GRM7: variants seen among roughly 807,000 people sequenced by gnomAD.
GRM7 encodes the protein glutamate metabotropic receptor 7.
A neutral mutation model predicts 84.5 loss-of-function variants in GRM7; 35 were observed. The ratio of observed to expected loss-of-function variants is 0.41; its 90% CI spans 0.32 to 0.55. The LOEUF is 0.55. Among genes scored for constraint, GRM7 ranks in the 20% least tolerant of loss-of-function variants. The probability of loss-of-function intolerance (pLI) is 0.19; values close to 1 mark genes in which losing one functional copy is unlikely to be tolerated. For synonymous variants in GRM7, 487 were observed against 455.1 expected, an observed-to-expected ratio of 1.07 and a Z score of -0.89; for missense variants, 1,003 against 1,194.6, an observed-to-expected ratio of 0.84 and a Z score of 2.36.
chr3:6,958,683 A>G (rs1172826153), intron 1 of GRM7, among the ~76,000 whole-genome samples: 8 of 152,284 alleles, frequency 5.3e-5, no homozygotes, highest in East Asian at 3.9e-4. Flanking sequence ...ACTAAATACA[A>G]AAAAACTTTC....
At chr3:6,974,550 G>C (rs947790543) in intron 1 of GRM7, among the ~76,000 whole-genome samples, 1 of 152,168 alleles carries the variant, frequency 6.6e-6, no homozygotes, top group African/African-American at 2.4e-5. Context: ...ATCAGGGAAG[G>C]CTGCTGAAGA....
chr3:7,072,717 G>A (rs922618773), intron 1 of GRM7, among the ~76,000 whole-genome samples: 7 of 152,090 alleles, frequency 4.6e-5, no homozygotes, highest in African/African-American at 1.4e-4. Flanking sequence ...TAAGATAAAG[G>A]TCTCACTTCA....
intron 3 of GRM7, 106 bp from the exon 4 acceptor site, chr3:7,306,392 A>G: frequency 1.1e-6 from 1 of 894,190 alleles, no homozygotes. Context: ...GCAATTATTT[A>G]CTTTTTGAGG....
At chr3:7,609,786 G>A (rs1304282555) in intron 8 of GRM7, among the ~76,000 whole-genome samples, 1 of 152,154 alleles carries the variant, frequency 6.6e-6, no homozygotes, top group South Asian at 2.1e-4. Context: ...CTTGGAGTGA[G>A]TGGTAAATTT....
Position 7,359,220 on chromosome 3 carries a change from TTGTGTGTGTGTG to T in GRM7, c.1033+52592_1033+52603del, listed in dbSNP as rs34535570. On this transcript the variant is annotated intron_variant, in intron 4 of 9. Coordinates refer to ENST00000357716, the MANE Select transcript of GRM7 (RefSeq NM_000844.4). The stretch of plus-strand genomic sequence containing the variant: ...TTACCATTTGGTAGGGTGTTTGTGT[TTGTGTGTGTGTG>T]TGTGTGTGTGTGTGTGTGTGTGTTG... Among the ~76,000 whole-genome samples the T allele has an allele frequency of 1.5e-4, 20 of 133,240 alleles. 1 individual carries two copies. Among genetic ancestry groups the T allele is most frequent in the African/African-American group, 3.9e-4 (13 of 33,572 alleles). 87.4% of individuals were successfully genotyped at this position (133,240 alleles called of 152,430 possible). A position where few individuals can be genotyped will look rare whatever the true frequency, so the allele number is the denominator to read the frequency against.
At chr3:7,163,120 CTTCTG>C (rs1307914395) in intron 2 of GRM7, among the ~76,000 whole-genome samples, 3 of 152,082 alleles carry the variant, frequency 2.0e-5, no homozygotes, top group Admixed American at 2.0e-4. Context: ...CTCCTCCAGT[CTTCTG>C]TTGCTCTGGA....
At chr3:7,452,950 A>T in intron 6 of GRM7, 143 bp downstream of exon 6, 2 of 609,326 alleles carry the variant, frequency 3.3e-6, no homozygotes, top group South Asian at 4.1e-5. Context: ...GAATCAATGC[A>T]TGAATGAGCA....
intron 7 of GRM7, among the ~76,000 whole-genome samples, chr3:7,523,116 T>G (rs746178735): frequency 1.3e-5 from 2 of 152,170 alleles, no homozygotes; most frequent in Non-Finnish European, 1.5e-5. Context: ...TCTATGGTAT[T>G]TTATTACAGC....
At chr3:7,094,899 A>G (rs1698799934) in intron 1 of GRM7, among the ~76,000 whole-genome samples, 1 of 152,184 alleles carries the variant, frequency 6.6e-6, no homozygotes, top group African/African-American at 2.4e-5. Flanking sequence ...CTAATACATT[A>G]CAGTATTTAG....
chr3:6,951,475 G>T (rs78269105), intron 1 of GRM7, among the ~76,000 whole-genome samples: 2 of 151,924 alleles, frequency 1.3e-5, no homozygotes, highest in African/African-American at 4.8e-5. Context: ...AAATACTGAC[G>T]TGTTGTGTTT....
intron 2 of GRM7, among the ~76,000 whole-genome samples, chr3:7,192,084 A>G (rs898229330): frequency 1.1e-4 from 17 of 152,054 alleles, no homozygotes; most frequent in African/African-American, 3.6e-4. Flanking sequence ...AAGAATGTAA[A>G]TTGTAATGCG....
intron 2 of GRM7, among the ~76,000 whole-genome samples, chr3:7,244,418 T>G (rs1170111830): frequency 6.6e-6 from 1 of 152,070 alleles, no homozygotes; most frequent in Non-Finnish European, 1.5e-5. Context: ...AAATGTAATG[T>G]GTGAGACAAG....
chr3:7,365,675 A>G (rs1044377828), intron 4 of GRM7, among the ~76,000 whole-genome samples: 5 of 143,614 alleles, frequency 3.5e-5, no homozygotes, highest in Non-Finnish European at 6.1e-5. Flanking sequence ...ACACACACGC[A>G]CACACACACA....
intron 2 of GRM7, among the ~76,000 whole-genome samples, chr3:7,224,338 T>C (rs558565034): frequency 6.6e-6 from 1 of 152,154 alleles, no homozygotes; most frequent in Admixed American, 6.5e-5. Flanking sequence ...TTGCTCATTA[T>C]CAAAAGGATA....
chr3:7,130,846 A>G (rs1219742287), intron 1 of GRM7, among the ~76,000 whole-genome samples: 2 of 152,200 alleles, frequency 1.3e-5, no homozygotes, highest in African/African-American at 2.4e-5. Context: ...GAACAAATCA[A>G]TATTTCCAAC....
At chr3:6,978,733 C>A (rs967077490) in intron 1 of GRM7, among the ~76,000 whole-genome samples, 2 of 152,014 alleles carry the variant, frequency 1.3e-5, no homozygotes. Flanking sequence ...AAGGAAAGGA[C>A]CTCTTGGAAC....
At chr3:7,101,694 G>A (rs1699112469) in intron 1 of GRM7, among the ~76,000 whole-genome samples, 1 of 149,822 alleles carries the variant, frequency 6.7e-6, no homozygotes, top group Non-Finnish European at 1.5e-5. Context: ...CATGGCCTTT[G>A]ACTAAATTGT....
At chr3:7,644,194 G>GTATA (rs33935857) in intron 8 of GRM7, among the ~76,000 whole-genome samples, 1,789 of 7,096 alleles carry the variant, frequency 0.25, 36 homozygotes, top group African/African-American at 0.44. Context: ...ATGTCTGTAC[G>GTATA]TATATATATA....
At chr3:7,319,222 C>G (rs907931176) in intron 4 of GRM7, among the ~76,000 whole-genome samples, 1 of 151,886 alleles carries the variant, frequency 6.6e-6, no homozygotes, top group Non-Finnish European at 1.5e-5. Context: ...GTGTGTACAC[C>G]AGTAGATAGA....
Sources: allele counts gnomAD v4.1 joint callset (sites outside exome capture counted in the v4.1 genomes callset), GRCh38; gene constraint gnomAD v4.1.1; transcripts MANE v1.5; gene names NCBI Gene and HGNC (gene_info 2026-07-23, HGNC 2026-07-21).